The following CEP83 variants were observed in gnomAD, a reference collection of about 807,000 sequenced individuals.
CEP83 encodes centrosomal protein 83, also known as centrosomal protein of 83 kDa.
Under a neutral mutation model 101.9 loss-of-function variants are expected in CEP83, and 70 were observed. That is an observed-to-expected ratio of 0.69 (90% CI 0.57 to 0.84). The LOEUF is 0.84. Among genes scored for constraint, CEP83 ranks in the 40% least tolerant of loss-of-function variants. The pLI is 0.00. For synonymous variants in CEP83, 264 were observed against 267.9 expected, an observed-to-expected ratio of 0.99 and a Z score of 0.14; for missense variants, 715 against 787.2, an observed-to-expected ratio of 0.91 and a Z score of 1.10.
At chr12:94,297,043 A>G in the CEP83 span, 15 of 716,336 alleles carry the variant, frequency 2.1e-5, no homozygotes, top group African/African-American at 3.5e-5. Context: ...CAGCAGGGGG[A>G]AAAATGTAGC....
At chr12:94,356,901 G>C (rs1482073879) in intron 11 of CEP83, among the ~76,000 whole-genome samples, 1 of 152,112 alleles carries the variant, frequency 6.6e-6, no homozygotes, top group African/African-American at 2.4e-5. Context: ...GTTGGCGGCT[G>C]GGCTGGTTTA....
At chr12:94,375,549 T>C (rs1413889493) in intron 8 of CEP83, among the ~76,000 whole-genome samples, 1 of 152,172 alleles carries the variant, frequency 6.6e-6, no homozygotes, top group African/African-American at 2.4e-5. Context: ...AAATGGAGCC[T>C]AGAAAAATCA....
chr12:94,399,112 T>C lies in CEP83; in HGVS notation c.549+1738A>G, dbSNP rs147227603. Among the ~76,000 whole-genome samples, 879 of 152,328 alleles carry C rather than the reference T, an allele frequency of 5.8e-3. 8 individuals carry two copies. Among genetic ancestry groups the C allele is most frequent in the African/African-American group, 0.02 (818 of 41,576 alleles). ...GTTTCTGCCCTTTGCCTTTTGATCTTTGTTCTCCTTTTTGCCCTTTGAAGC... is the reference window on the plus strand; with the variant it reads ...GTTTCTGCCCTTTGCCTTTTGATCTCTGTTCTCCTTTTTGCCCTTTGAAGC... On this transcript the variant is annotated intron_variant, in intron 6 of 16. Coordinates refer to ENST00000397809, the MANE Select transcript of CEP83 (RefSeq NM_016122.3).
At chr12:94,376,745 ATATT>A (rs1175728480) in intron 7 of CEP83, among the ~76,000 whole-genome samples, 1 of 113,234 alleles carries the variant, frequency 8.8e-6, no homozygotes, top group African/African-American at 3.1e-5. Flanking sequence ...ATATATATAT[ATATT>A]TTTTTTTTGA....
chr12:94,415,608 G>A (rs949908640), intron 2 of CEP83, among the ~76,000 whole-genome samples: 1 of 151,992 alleles, frequency 6.6e-6, no homozygotes, highest in Non-Finnish European at 1.5e-5. Flanking sequence ...AAAATGGAGA[G>A]AGAAATTAAT....
the CEP83 span, among the ~76,000 whole-genome samples, chr12:94,287,759 A>G: frequency 6.6e-5 from 10 of 152,336 alleles, no homozygotes; most frequent in African/African-American, 2.2e-4. Flanking sequence ...CTGTGACACT[A>G]AAAGGGACTG....
the CEP83 span, chr12:94,279,941 C>G: frequency 1.9e-6 from 1 of 519,534 alleles, no homozygotes; most frequent in East Asian, 3.9e-5. Flanking sequence ...TGAGACTGCA[C>G]GGAATCACCT....
intron 12 of CEP83, among the ~76,000 whole-genome samples, chr12:94,334,096 A>T (rs989693675): frequency 6.6e-6 from 1 of 152,182 alleles, no homozygotes; most frequent in Non-Finnish European, 1.5e-5. Context: ...CCCTGAGATC[A>T]GCAACCTTCC....
the CEP83 span, among the ~76,000 whole-genome samples, chr12:94,285,367 G>GCTT: frequency 6.6e-6 from 1 of 152,212 alleles, no homozygotes; most frequent in Non-Finnish European, 1.5e-5. Context: ...CCATCCTTGG[G>GCTT]CTTTTTGGCT....
chr12:94,267,082 T>C, the CEP83 span, among the ~76,000 whole-genome samples: 1 of 152,252 alleles, frequency 6.6e-6, no homozygotes, highest in Non-Finnish European at 1.5e-5. Context: ...GATCCTGGGC[T>C]TGTTATTCCT....
At chr12:94,428,800 T>C (rs1217264032) in intron 2 of CEP83, among the ~76,000 whole-genome samples, 3 of 152,162 alleles carry the variant, frequency 2.0e-5, no homozygotes, top group African/African-American at 7.2e-5. Flanking sequence ...TTGAGAGATA[T>C]AAAAAATATA....
the CEP83 span, chr12:94,279,449 G>A: frequency 1.3e-6 from 2 of 1,592,884 alleles, no homozygotes; most frequent in South Asian, 1.1e-5. Context: ...AATAGACTTG[G>A]AAACCTGTTT....
At chr12:94,297,335 C>T in the CEP83 span, 1 of 1,613,956 alleles carries the variant, frequency 6.2e-7, no homozygotes, top group Non-Finnish European at 8.5e-7. Flanking sequence ...GATTCGGAAG[C>T]ATTCCAAGAT....
chr12:94,356,811 C>T (rs1203965861), intron 11 of CEP83, among the ~76,000 whole-genome samples: 1 of 152,148 alleles, frequency 6.6e-6, no homozygotes, highest in Non-Finnish European at 1.5e-5. Context: ...ATTTGGTGGG[C>T]AGATGAAGCT....
At chr12:94,363,576 G>T (rs1197829239) in intron 11 of CEP83, among the ~76,000 whole-genome samples, 1 of 152,142 alleles carries the variant, frequency 6.6e-6, no homozygotes, top group Non-Finnish European at 1.5e-5. Flanking sequence ...CTAAAATGTG[G>T]AAGAAATCCA....
In CEP83 at chr12:94,319,800, T is replaced by C. The variant is rs1389850113; in HGVS notation, c.1708-6783A>G. Among the ~76,000 whole-genome samples the C allele has an allele frequency of 2.6e-5, 4 of 152,326 alleles. No homozygotes were observed. In the East Asian group the frequency reaches 7.7e-4, roughly 29 times the overall value. ...GTGGTCAATTTCAGAGTATGTGCCA[T>C]GCAGCAATGAGAAGAATGTATATTC... On this transcript the variant is annotated intron_variant, in intron 14 of 16. Coordinates refer to ENST00000397809, the MANE Select transcript of CEP83 (RefSeq NM_016122.3).
intron 2 of CEP83, among the ~76,000 whole-genome samples, chr12:94,425,154 TG>T (rs1462507537): frequency 1.6e-4 from 24 of 151,974 alleles, no homozygotes; most frequent in Non-Finnish European, 3.2e-4. Context: ...GGGCTGCCTC[TG>T]GTTCAACTTT....
chr12:94,369,959 T>C lies in CEP83; in HGVS notation c.1011A>G (p.Leu337=), dbSNP rs761510362. Residue 337 remains leucine (L), a synonymous_variant, in exon 9 of 17, where the codon CTA becomes CTG. Transcript: ENST00000397809. The part of the protein sequence containing the change: ...KLETARAKSE[L]ERERNKIQSE... ...TTTGAATCTTATTCCTTTCTCTTTC[T>C]AGCTCACTCTTAGCTCTTGCTGTCT... 1.5e-5 allele frequency: 24 copies of C among 1,607,840 alleles called. No individual in the cohort carries two copies. The highest frequency in any genetic ancestry group is 2.0e-5 in the Non-Finnish European group (23 of 1,174,912).
chr12:94,411,648 G>A (rs552271887), intron 4 of CEP83, 49 bp downstream of exon 4: 100 of 1,422,180 alleles, frequency 7.0e-5, no homozygotes, highest in Non-Finnish European at 8.2e-5. Flanking sequence ...CTTCCACTAC[G>A]TATCTGACTG....
Sources: allele counts gnomAD v4.1 joint callset (sites outside exome capture counted in the v4.1 genomes callset), GRCh38; gene constraint gnomAD v4.1.1; transcripts MANE v1.5; gene names NCBI Gene and HGNC (gene_info 2026-07-23, HGNC 2026-07-21).